Variants in FAM43B observed in about 807,000 individuals in gnomAD.
FAM43B encodes family with sequence similarity 43 member B, also known as protein FAM43B.
In FAM43B, 17 loss-of-function variants were observed where a neutral mutation model predicts 20.1. The ratio of observed to expected loss-of-function variants is 0.84; its 90% CI spans 0.58 to 1.27. The LOEUF (loss-of-function observed/expected upper bound fraction) is 1.27. Ranked by LOEUF, FAM43B falls within the 50% of genes most tolerant of loss-of-function variation. The pLI, the probability that FAM43B is intolerant of heterozygous loss-of-function variation, is 0.00. For synonymous variants in FAM43B, 208 were observed against 238.5 expected (o/e 0.87, Z 1.18); for missense variants, 512 against 516.7 (o/e 0.99, Z 0.09).
Position 20,553,602 on chromosome 1 carries a change from G to A in FAM43B, c.629G>A (p.Arg210His), listed in dbSNP as rs1392241298. Residue 210 changes from arginine (R) to histidine (H), a missense_variant, in exon 1 of 1, where the codon CGC becomes CAC. By Grantham distance (29) the Arg-to-His change is conservative. Transcript: ENST00000332947. The surrounding 1 kb of genome is among the most constrained non-coding windows in gnomAD (Gnocchi z 6.5). ...AAFSDFKRLQ[R>H]QSDARHVRQQ... The stretch of plus-strand genomic sequence containing the variant: ...TTCAGCGACTTCAAGCGCCTGCAGC[G>A]CCAGAGCGACGCGCGCCACGTGCGC... The A allele has an allele frequency of 1.4e-5, 18 of 1,278,396 alleles. No homozygotes were observed. The highest frequency in any genetic ancestry group is 1.8e-5 in the Non-Finnish European group (18 of 1,019,784). The allele number at this position is 1,278,396 out of a possible 1,614,324, so 79.2% of individuals were successfully genotyped here.
rs1173992831 is a variant in FAM43B, at chr1:20,553,015, C to T, written c.42C>T (p.Asp14=). ...WRRNKFVLVE[D]EAKCKAKSLS... is the part of the protein sequence containing the mutation. ...GTAACAAATTCGTGCTGGTGGAGGA[C>T]GAGGCCAAGTGCAAGGCGAAGAGCC... The change falls in exon 1 of 1, where the codon GAC becomes GAT. Residue 14 remains aspartate (D), a synonymous_variant. Coordinates refer to ENST00000332947, the MANE Select transcript of FAM43B (RefSeq NM_207334.3). This position sits in a 1 kb window ranked among gnomAD's most constrained non-coding sequence, Gnocchi z 6.5. 1 of 1,613,412 alleles carries T rather than the reference C, an allele frequency of 6.2e-7. No homozygotes were observed. The highest frequency in any genetic ancestry group is 1.7e-5 in the Admixed American group (1 of 59,994).
rs2052171893 is a variant in FAM43B, at chr1:20,554,424, C to G, written c.*461C>G. The G allele has an allele frequency of 6.0e-6, 1 of 167,360 alleles. No individual in the cohort carries two copies. Among genetic ancestry groups the G allele is most frequent in the Admixed American group, 6.5e-5 (1 of 15,290 alleles). The allele number at this position is 167,360 out of a possible 1,614,324, so 10.4% of individuals were successfully genotyped here. On this transcript the variant is annotated 3_prime_UTR_variant, in exon 1 of 1. Transcript: ENST00000332947. The stretch of plus-strand genomic sequence containing the variant: ...GCATTCTTGTAGGAGAAGAATCTAG[C>G]GGCCGGGGAGAATTGGGGCCGGGCC...
chr1:20,553,783 G>A lies in FAM43B; in HGVS notation c.810G>A (p.Glu270=). 1 of 1,476,450 alleles carries A rather than the reference G, an allele frequency of 6.8e-7. No homozygotes were observed. The highest frequency in any genetic ancestry group is 3.0e-5 in the East Asian group (1 of 32,976). 91.5% of individuals were successfully genotyped at this position (1,476,450 alleles called of 1,614,324 possible). A position where few individuals can be genotyped will look rare whatever the true frequency, so the allele number is the denominator to read the frequency against. ...LSSIQEEDEE[E]EEDDAEEQEG... Reference sequence around the variant, plus strand: ...GCATCCAGGAGGAGGACGAGGAGGAGGAGGAGGACGACGCGGAGGAGCAAG... The same window carrying A: ...GCATCCAGGAGGAGGACGAGGAGGAAGAGGAGGACGACGCGGAGGAGCAAG... The change falls in exon 1 of 1, where the codon GAG becomes GAA. Residue 270 remains glutamate (E), a synonymous_variant. Coordinates refer to ENST00000332947, the MANE Select transcript of FAM43B (RefSeq NM_207334.3). The surrounding 1 kb of genome is among the most constrained non-coding windows in gnomAD (Gnocchi z 6.5).
chr1:20,552,953 G>A lies in FAM43B; in HGVS notation c.-21G>A. On this transcript the variant is annotated 5_prime_UTR_variant, in exon 1 of 1. Transcript: ENST00000332947. ...CGCCGGTGAGCTCCCTGCGCCCCCA[G>A]CCCCTTTCGCCGCCGCCGCGATGCT... The A allele has an allele frequency of 1.9e-6, 3 of 1,611,316 alleles. No homozygotes were observed. The highest frequency in any genetic ancestry group is 2.5e-6 in the Non-Finnish European group (3 of 1,179,364).
chr1:20,553,414 C>G lies in FAM43B; in HGVS notation c.441C>G (p.Thr147=). 1.4e-6 allele frequency: 2 copies of G among 1,453,520 alleles called. No individual in the cohort carries two copies. The highest frequency in any genetic ancestry group is 1.8e-6 in the Non-Finnish European group (2 of 1,115,450). The allele number at this position is 1,453,520 out of a possible 1,614,324, so 90.0% of individuals were successfully genotyped here. The part of the protein sequence containing the change: ...PAHAYLLPRI[T]YCTADGRHPR... ...ACGCCTACCTGCTGCCGCGCATCACCTACTGCACGGCGGACGGGCGCCACC... is the reference window on the plus strand; with the variant it reads ...ACGCCTACCTGCTGCCGCGCATCACGTACTGCACGGCGGACGGGCGCCACC... Residue 147 remains threonine (T), a synonymous_variant, in exon 1 of 1, where the codon ACC becomes ACG. Transcript: ENST00000332947. This position sits in a 1 kb window ranked among gnomAD's most constrained non-coding sequence, Gnocchi z 6.5.
chr1:20,552,884 G>A lies in FAM43B; in HGVS notation c.-90G>A. ...GCCCAGCTTCTCGCGACTCCAGGGC[G>A]GTGGACTTCTGCGCGCCTTCCCTCC... On this transcript the variant is annotated 5_prime_UTR_variant, in exon 1 of 1. Coordinates refer to ENST00000332947, the MANE Select transcript of FAM43B (RefSeq NM_207334.3). 2 of 1,466,798 alleles carry A rather than the reference G, an allele frequency of 1.4e-6. No individual in the cohort carries two copies. The highest frequency in any genetic ancestry group is 1.8e-6 in the Non-Finnish European group (2 of 1,090,372). 90.9% of individuals were successfully genotyped at this position (1,466,798 alleles called of 1,614,324 possible).
Position 20,552,956 on chromosome 1 carries a change from CCT to C in FAM43B, c.-17_-16del. 6.2e-7 allele frequency: 1 copy of C among 1,611,826 alleles called. No individual in the cohort carries two copies. The highest frequency in any genetic ancestry group is 1.1e-5 in the South Asian group (1 of 90,918). ...CGGTGAGCTCCCTGCGCCCCCAGCC[CCT>C]TTCGCCGCCGCCGCGATGCTGCCCT... On this transcript the variant is annotated 5_prime_UTR_variant, in exon 1 of 1. Transcript: ENST00000332947.
chr1:20,552,794 G>A lies in FAM43B; in HGVS notation c.-180G>A, dbSNP rs1360712500. The A allele has an allele frequency of 9.5e-6, 7 of 739,490 alleles. No homozygotes were observed. The Admixed American group carries it at 1.5e-4, about 16-fold the overall frequency. The allele number at this position is 739,490 out of a possible 1,614,324, so 45.8% of individuals were successfully genotyped here. A position where few individuals can be genotyped will look rare whatever the true frequency, so the allele number is the denominator to read the frequency against. ...TCGGCTGCTGGCCCGGCTGGGCACC[G>A]GGCATCTGCGAAGCTAGCCCTGCCT... On this transcript the variant is annotated 5_prime_UTR_variant, in exon 1 of 1. Coordinates refer to ENST00000332947, the MANE Select transcript of FAM43B (RefSeq NM_207334.3).
In FAM43B at chr1:20,553,368, CG is replaced by C. The variant is rs1264517083; in HGVS notation, c.401del (p.Gly134AlafsTer164). On this transcript the variant is annotated frameshift_variant, in exon 1 of 1. Coordinates refer to ENST00000332947, the MANE Select transcript of FAM43B (RefSeq NM_207334.3). LOFTEE classifies it high-confidence loss of function. This position sits in a 1 kb window ranked among gnomAD's most constrained non-coding sequence, Gnocchi z 6.5. ...QPCERSAAGG[S>X]GGRRPAHAYL... ...TGCGAGCGCAGCGCCGCCGGGGGTT[CG>C]GGGGGCCGCAGGCCGGCGCACGCCT... 3.4e-6 allele frequency: 5 copies of C among 1,480,194 alleles called. No homozygotes were observed. Among genetic ancestry groups the C allele is most frequent in the African/African-American group, 1.5e-5 (1 of 68,662 alleles). The allele number at this position is 1,480,194 out of a possible 1,614,324, so 91.7% of individuals were successfully genotyped here. A position where few individuals can be genotyped will look rare whatever the true frequency, so the allele number is the denominator to read the frequency against.
chr1:20,553,362 G>A lies in FAM43B; in HGVS notation c.389G>A (p.Gly130Glu). The change falls in exon 1 of 1, where the codon GGG becomes GAG. Residue 130 changes from glycine to glutamate, a missense_variant. Physicochemically the swap from Gly to Glu is moderately conservative, Grantham distance 98. Coordinates refer to ENST00000332947, the MANE Select transcript of FAM43B (RefSeq NM_207334.3). This position sits in a 1 kb window ranked among gnomAD's most constrained non-coding sequence, Gnocchi z 6.5. ...RMQPCERSAA[G>E]GSGGRRPAHA... Reference sequence around the variant, plus strand: ...CAGCCGTGCGAGCGCAGCGCCGCCGGGGGTTCGGGGGGCCGCAGGCCGGCG... The same window carrying A: ...CAGCCGTGCGAGCGCAGCGCCGCCGAGGGTTCGGGGGGCCGCAGGCCGGCG... The A allele has an allele frequency of 6.7e-7, 1 of 1,482,570 alleles. No homozygotes were observed. 91.8% of individuals were successfully genotyped at this position (1,482,570 alleles called of 1,614,324 possible). A position where few individuals can be genotyped will look rare whatever the true frequency, so the allele number is the denominator to read the frequency against.
Position 20,553,919 on chromosome 1 carries a change from C to G in FAM43B, c.946C>G (p.Arg316Gly). Residue 316 changes from arginine (R) to glycine (G), a missense_variant, in exon 1 of 1, where the codon CGC becomes GGC. Arg to Gly is a moderately radical substitution (Grantham distance 125, BLOSUM62 -2). Coordinates refer to ENST00000332947, the MANE Select transcript of FAM43B (RefSeq NM_207334.3). This position sits in a 1 kb window ranked among gnomAD's most constrained non-coding sequence, Gnocchi z 6.5. Reference protein sequence around the residue: ...PAPPPPAQPRRWKAGPRERAG... With the variant: ...PAPPPPAQPRGWKAGPRERAG... ...GCCCCCGCCGCCCGCGCAGCCCCGC[C>G]GCTGGAAGGCCGGCCCCAGGGAGCG... The G allele has an allele frequency of 8.0e-7, 1 of 1,252,968 alleles. No individual in the cohort carries two copies. Among genetic ancestry groups the G allele is most frequent in the Non-Finnish European group, 1.0e-6 (1 of 1,003,962 alleles). The allele number at this position is 1,252,968 out of a possible 1,614,324, so 77.6% of individuals were successfully genotyped here. A position where few individuals can be genotyped will look rare whatever the true frequency, so the allele number is the denominator to read the frequency against.
Position 20,553,105 on chromosome 1 carries a change from G to A in FAM43B, c.132G>A (p.Leu44=), listed in dbSNP as rs760513489. The change falls in exon 1 of 1, where the codon CTG becomes CTA. Residue 44 remains leucine, a synonymous_variant. Transcript: ENST00000332947. The surrounding 1 kb of genome is among the most constrained non-coding windows in gnomAD (Gnocchi z 6.5). ...SSFLRSCPDL[L]PDWPLERLGR... ...TCCTGCGCTCCTGCCCGGACCTGCT[G>A]CCCGACTGGCCGCTGGAGCGCTTGG... 1.2e-6 allele frequency: 2 copies of A among 1,613,454 alleles called. No homozygotes were observed. The highest frequency in any genetic ancestry group is 2.2e-5 in the South Asian group (2 of 91,060).
In FAM43B at chr1:20,552,808, C is replaced by A; in HGVS notation, c.-166C>A. 1 of 844,064 alleles carries A rather than the reference C, an allele frequency of 1.2e-6. No individual in the cohort carries two copies. Among genetic ancestry groups the A allele is most frequent in the Non-Finnish European group, 1.8e-6 (1 of 559,544 alleles). 52.3% of individuals were successfully genotyped at this position (844,064 alleles called of 1,614,324 possible). ...GGCTGGGCACCGGGCATCTGCGAAG[C>A]TAGCCCTGCCTGGCACTGGGCATCT... On this transcript the variant is annotated 5_prime_UTR_variant, in exon 1 of 1. Coordinates refer to ENST00000332947, the MANE Select transcript of FAM43B (RefSeq NM_207334.3).
At position 20,554,051 on chromosome 1, in the gene FAM43B, GC is replaced by G; in HGVS notation, c.*93del. On this transcript the variant is annotated 3_prime_UTR_variant, in exon 1 of 1. Coordinates refer to ENST00000332947, the MANE Select transcript of FAM43B (RefSeq NM_207334.3). ...GGCCCTGCCCGCTTCGGCTGCCCCG[GC>G]CCCCGGCCCGTGTCTCCCCCGTGGT... 4.2e-6 allele frequency: 5 copies of G among 1,182,044 alleles called. No homozygotes were observed. The highest frequency in any genetic ancestry group is 3.9e-5 in the East Asian group (1 of 25,622). 73.2% of individuals were successfully genotyped at this position (1,182,044 alleles called of 1,614,324 possible).
In FAM43B at chr1:20,554,376, C is replaced by CA. The variant is rs34986936; in HGVS notation, c.*422dup. The CA allele has an allele frequency of 0.15, 25,188 of 165,372 alleles. 2,009 individuals are homozygous for CA. The highest frequency in any genetic ancestry group is 0.15 in the African/African-American group (6,135 of 40,874). The allele number at this position is 165,372 out of a possible 1,614,324, so 10.2% of individuals were successfully genotyped here. On this transcript the variant is annotated 3_prime_UTR_variant, in exon 1 of 1. Transcript: ENST00000332947. ...GGTCCCTCTAGCCTTCTTCCCTGTG[C>CA]AAAAAAAAATGACCCTGGAGAGGCA...
rs1557531749 is a variant in FAM43B at position 20,554,143 on chromosome 1, TG to T, written c.*186del. The T allele has an allele frequency of 1.5e-6, 1 of 660,624 alleles. No individual in the cohort carries two copies. The highest frequency in any genetic ancestry group is 2.1e-6 in the Non-Finnish European group (1 of 474,924). The allele number at this position is 660,624 out of a possible 1,614,324, so 40.9% of individuals were successfully genotyped here. ...TGATGCCTGATACGCCCTTGGTTATTGGGGGGTGTTCCTCTCTCCCCACACC... is the reference window on the plus strand; with the variant it reads ...TGATGCCTGATACGCCCTTGGTTATTGGGGGTGTTCCTCTCTCCCCACACC... On this transcript the variant is annotated 3_prime_UTR_variant, in exon 1 of 1. Coordinates refer to ENST00000332947, the MANE Select transcript of FAM43B (RefSeq NM_207334.3).
In FAM43B at chr1:20,553,383, C is replaced by A. The variant is rs1361658456; in HGVS notation, c.410C>A (p.Pro137Gln). The A allele has an allele frequency of 2.0e-6, 3 of 1,471,350 alleles. No individual in the cohort carries two copies. Among genetic ancestry groups the A allele is most frequent in the Non-Finnish European group, 2.7e-6 (3 of 1,121,092 alleles). The allele number at this position is 1,471,350 out of a possible 1,614,324, so 91.1% of individuals were successfully genotyped here. A position where few individuals can be genotyped will look rare whatever the true frequency, so the allele number is the denominator to read the frequency against. The change falls in exon 1 of 1, where the codon CCG (proline) becomes CAG (glutamine). Residue 137 changes from proline (P) to glutamine (Q), a missense_variant. Physicochemically the swap from Pro to Gln is moderately conservative, Grantham distance 76 (BLOSUM62 -1). Coordinates refer to ENST00000332947, the MANE Select transcript of FAM43B (RefSeq NM_207334.3). This position sits in a 1 kb window ranked among gnomAD's most constrained non-coding sequence, Gnocchi z 6.5. ...SAAGGSGGRRPAHAYLLPRIT... is the reference protein window; with the variant it reads ...SAAGGSGGRRQAHAYLLPRIT... The stretch of plus-strand genomic sequence containing the variant: ...GCCGGGGGTTCGGGGGGCCGCAGGC[C>A]GGCGCACGCCTACCTGCTGCCGCGC...
rs1428933654 is a variant in FAM43B, at chr1:20,553,764, A to G, written c.791A>G (p.Gln264Arg). The G allele has an allele frequency of 3.7e-5, 55 of 1,471,638 alleles. No individual in the cohort carries two copies. In the East Asian group the frequency reaches 1.6e-3, roughly 43 times the overall value. 91.2% of individuals were successfully genotyped at this position (1,471,638 alleles called of 1,614,324 possible). A position where few individuals can be genotyped will look rare whatever the true frequency, so the allele number is the denominator to read the frequency against. The change falls in exon 1 of 1, where the codon CAG becomes CGG. Residue 264 changes from glutamine to arginine, a missense_variant. Gln to Arg is a conservative substitution (Grantham distance 43, BLOSUM62 1). Coordinates refer to ENST00000332947, the MANE Select transcript of FAM43B (RefSeq NM_207334.3). This position sits in a 1 kb window ranked among gnomAD's most constrained non-coding sequence, Gnocchi z 6.5. The stretch of plus-strand genomic sequence containing the variant: ...GGGGCGCCGCGCCTCAGCAGCATCC[A>G]GGAGGAGGACGAGGAGGAGGAGGAG... ...SRGAPRLSSI[Q>R]EEDEEEEEDD...
chr1:20,554,252 T>G lies in FAM43B; in HGVS notation c.*289T>G. On this transcript the variant is annotated 3_prime_UTR_variant, in exon 1 of 1. Transcript: ENST00000332947. Reference sequence around the variant, plus strand: ...TTTGCCCACAGACCTCCTCATTCCCTCCCAAAACATCCTCTCAAGAGAAGG... The same window carrying G: ...TTTGCCCACAGACCTCCTCATTCCCGCCCAAAACATCCTCTCAAGAGAAGG... The G allele has an allele frequency of 4.3e-6, 1 of 234,562 alleles. No individual in the cohort carries two copies. The highest frequency in any genetic ancestry group is 8.8e-6 in the Non-Finnish European group (1 of 113,150). The allele number at this position is 234,562 out of a possible 1,614,324, so 14.5% of individuals were successfully genotyped here.
Sources: gnomAD v4.1 joint callset for allele counts on GRCh38, gnomAD v4.1.1 for gene constraint, Gnocchi (gnomAD v3.1) non-coding constraint, MANE v1.5 for transcripts, NCBI Gene and HGNC (gene_info 2026-07-23, HGNC 2026-07-21) for gene names.